Variants in ZSWIM5 observed in about 807,000 individuals in gnomAD.
The protein encoded by ZSWIM5 is zinc finger SWIM domain-containing protein 5.
Under a neutral mutation model 119.6 loss-of-function variants are expected in ZSWIM5, and 55 were observed. The observed-to-expected ratio is 0.46, with a 90% CI of 0.37 to 0.58. The LOEUF (loss-of-function observed/expected upper bound fraction) is 0.58, where lower values mean the gene tolerates loss of function less well. Among genes scored for constraint, ZSWIM5 ranks in the 20% least tolerant of loss-of-function variants. The pLI is 0.00. For synonymous variants in ZSWIM5, 537 were observed against 606.9 expected (o/e 0.88, Z 1.69); for missense variants, 1,193 against 1,512.8 (o/e 0.79, Z 3.51).
intron 1 of ZSWIM5, among the ~76,000 whole-genome samples, chr1:45,104,533 C>T (rs1194915923): frequency 6.6e-6 from 1 of 152,204 alleles, no homozygotes; most frequent in Non-Finnish European, 1.5e-5. Flanking sequence ...CAACTGGCCA[C>T]GCCTGGGGCC....
intron 6 of ZSWIM5, among the ~76,000 whole-genome samples, chr1:45,042,309 T>C (rs1038476194): frequency 2.6e-5 from 4 of 152,214 alleles, no homozygotes; most frequent in African/African-American, 9.6e-5. Flanking sequence ...TAAAAACACC[T>C]GACCATTTGA....
intron 2 of ZSWIM5, among the ~76,000 whole-genome samples, chr1:45,085,800 T>C (rs1054747010): frequency 1.3e-5 from 2 of 152,182 alleles, no homozygotes; most frequent in African/African-American, 4.8e-5. Context: ...CACAACAATT[T>C]AACAAGTCTC....
At chr1:45,024,460 G>A (rs888836829) in intron 11 of ZSWIM5, among the ~76,000 whole-genome samples, 1 of 151,886 alleles carries the variant, frequency 6.6e-6, no homozygotes, top group African/African-American at 2.4e-5. Flanking sequence ...CCCAAGGGCT[G>A]GGATTACAGG....
intron 4 of ZSWIM5, 121 bp downstream of exon 4, chr1:45,058,488 A>C: frequency 7.8e-7 from 1 of 1,282,376 alleles, no homozygotes; most frequent in Non-Finnish European, 1.1e-6. Context: ...GTAGAACCTA[A>C]GTCTTCTACC....
At chr1:45,044,647 C>T (rs186620179) in intron 5 of ZSWIM5, among the ~76,000 whole-genome samples, 3 of 126,894 alleles carry the variant, frequency 2.4e-5, no homozygotes, top group African/African-American at 8.9e-5. Flanking sequence ...TGGCGTGAAC[C>T]CGGAAGGCGG....
chr1:45,173,021 C>A (rs571806500), intron 1 of ZSWIM5, among the ~76,000 whole-genome samples: 1 of 151,862 alleles, frequency 6.6e-6, no homozygotes. Flanking sequence ...AAAAATTAGC[C>A]GGGCATGGTG....
At chr1:45,035,853 A>C in intron 9 of ZSWIM5, 30 bp from the exon 10 acceptor site, 4 of 1,610,290 alleles carry the variant, frequency 2.5e-6, no homozygotes, top group Non-Finnish European at 3.4e-6. Flanking sequence ...CCAGTTATTT[A>C]TCTGTATGCT....
intron 2 of ZSWIM5, among the ~76,000 whole-genome samples, chr1:45,076,715 C>T (rs572378909): frequency 1.8e-4 from 28 of 152,204 alleles, no homozygotes; most frequent in Non-Finnish European, 3.2e-4. Flanking sequence ...TTCTCTACGT[C>T]GTCTCTAAGC....
intron 2 of ZSWIM5, among the ~76,000 whole-genome samples, chr1:45,063,506 T>A (rs143968587): frequency 6.6e-6 from 1 of 152,268 alleles, no homozygotes; most frequent in Non-Finnish European, 1.5e-5. Context: ...TCAGGCCCTA[T>A]CTTTTATTTT....
intron 1 of ZSWIM5, among the ~76,000 whole-genome samples, chr1:45,202,492 T>A (rs1646163727): frequency 6.6e-6 from 1 of 152,062 alleles, no homozygotes; most frequent in Non-Finnish European, 1.5e-5. Flanking sequence ...ATACTTAGCA[T>A]TCTGGTTCTA....
Position 45,088,352 on chromosome 1 carries a change from C to G in ZSWIM5, c.596-115G>C, listed in dbSNP as rs1434789047. ...TTATGTATTGGGTATCTCCTACACA[C>G]GTACATGATAGGCTTTGCCACAGAC... On this transcript the variant is annotated intron_variant, in intron 1 of 13. Coordinates refer to ENST00000359600, the MANE Select transcript of ZSWIM5 (RefSeq NM_020883.2). This position sits in a 1 kb window ranked among gnomAD's most constrained non-coding sequence, Gnocchi z 4.2. 1 of 726,002 alleles carries G rather than the reference C, an allele frequency of 1.4e-6. No homozygotes were observed. The highest frequency in any genetic ancestry group is 3.1e-5 in the Admixed American group (1 of 32,086). 45.0% of individuals were successfully genotyped at this position (726,002 alleles called of 1,614,324 possible). A position where few individuals can be genotyped will look rare whatever the true frequency, so the allele number is the denominator to read the frequency against.
chr1:45,123,181 A>G (rs2149028209), intron 1 of ZSWIM5, among the ~76,000 whole-genome samples: 1 of 152,368 alleles, frequency 6.6e-6, no homozygotes, highest in South Asian at 2.1e-4. Context: ...CCAGAGTCTT[A>G]TAATATAATG....
Position 45,206,201 on chromosome 1 carries a change from G to T in ZSWIM5, c.150C>A (p.Ser50Arg). 1 of 1,597,992 alleles carries T rather than the reference G, an allele frequency of 6.3e-7. No homozygotes were observed. Among genetic ancestry groups the T allele is most frequent in the Non-Finnish European group, 8.5e-7 (1 of 1,173,686 alleles). ...AGGGAGGVGS[S>R]CLVLGARPHL... is the part of the protein sequence containing the mutation. ...GGGGGCGGGCCCCGAGGACCAGGCA[G>T]CTGCTGCCGACGCCCCCTGCCCCTC... The change falls in exon 1 of 14, where the codon AGC (serine) becomes AGA (arginine). Residue 50 changes from serine to arginine, a missense_variant. Around this residue, in one of 2 missense-constraint regions of ZSWIM5, gnomAD observed 232 missense variants for 222.9 expected, o/e 1.04. Coordinates refer to ENST00000359600, the MANE Select transcript of ZSWIM5 (RefSeq NM_020883.2).
chr1:45,171,102 G>A (rs1388166283), intron 1 of ZSWIM5, among the ~76,000 whole-genome samples: 1 of 152,096 alleles, frequency 6.6e-6, no homozygotes, highest in Non-Finnish European at 1.5e-5. Context: ...ACATTTAACA[G>A]TGCAGAACTA....
intron 2 of ZSWIM5, among the ~76,000 whole-genome samples, chr1:45,065,866 TTTA>T (rs1645180089): frequency 6.6e-6 from 1 of 151,422 alleles, no homozygotes; most frequent in Non-Finnish European, 1.5e-5. Context: ...TAATTCTAAT[TTTA>T]TTATTATTAT....
intron 1 of ZSWIM5, among the ~76,000 whole-genome samples, chr1:45,203,523 T>C (rs1005847051): frequency 2.6e-5 from 4 of 152,192 alleles, no homozygotes; most frequent in African/African-American, 7.2e-5. Flanking sequence ...AGGAAATATG[T>C]AGAATTCTTA....
At chr1:45,063,470 A>G (rs1286825397) in intron 2 of ZSWIM5, among the ~76,000 whole-genome samples, 1 of 152,156 alleles carries the variant, frequency 6.6e-6, no homozygotes, top group African/African-American at 2.4e-5. Context: ...CAAATGCCCT[A>G]GCATGCCATT....
At chr1:45,172,187 C>T (rs891843338) in intron 1 of ZSWIM5, among the ~76,000 whole-genome samples, 7 of 151,924 alleles carry the variant, frequency 4.6e-5, no homozygotes, top group Non-Finnish European at 7.4e-5. Context: ...CTCACGGTTG[C>T]GAAACTAAAC....
intron 1 of ZSWIM5, among the ~76,000 whole-genome samples, chr1:45,191,252 G>A (rs183222237): frequency 1.3e-5 from 2 of 152,186 alleles, no homozygotes; most frequent in East Asian, 1.9e-4. Context: ...GGAGCTTTAC[G>A]CTCCTACCTT....
Sources: allele counts gnomAD v4.1 joint callset (sites outside exome capture counted in the v4.1 genomes callset), GRCh38; gene constraint gnomAD v4.1.1; regional missense constraint gnomAD v4.1.1; non-coding constraint Gnocchi (gnomAD v3.1); transcripts MANE v1.5; gene names NCBI Gene and HGNC (gene_info 2026-07-23, HGNC 2026-07-21).